Variants in TDP1 observed in about 807,000 individuals in gnomAD.
TDP1 encodes the protein tyr-DNA phosphodiesterase 1.
In TDP1, 64 loss-of-function variants were observed where a neutral mutation model predicts 81.5. That is an observed-to-expected ratio of 0.79 (90% CI 0.64 to 0.97). The LOEUF (loss-of-function observed/expected upper bound fraction) is 0.97, where lower values mean the gene tolerates loss of function less well. TDP1 is among the 50% of genes least tolerant of loss of function. The probability of loss-of-function intolerance (pLI) is 0.00; values close to 1 mark genes in which losing one functional copy is unlikely to be tolerated. For synonymous variants in TDP1, 256 were observed against 264.3 expected (o/e 0.97, Z 0.30); for missense variants, 723 against 743.8 (o/e 0.97, Z 0.33).
At chr14:89,970,167 C>T (rs941391722) in intron 5 of TDP1, among the ~76,000 whole-genome samples, 2 of 152,140 alleles carry the variant, frequency 1.3e-5, no homozygotes, top group Admixed American at 1.3e-4. Flanking sequence ...TGAGCCACCG[C>T]GCCTGGCCGA....
chr14:90,018,887 C>A (rs1885630158), intron 14 of TDP1: 1 of 854,870 alleles, frequency 1.2e-6, no homozygotes, highest in Non-Finnish European at 1.4e-6. Context: ...CACTACCTGG[C>A]AAAAAAACTG....
Position 89,985,130 on chromosome 14 carries a change from A to G in TDP1, c.1053-2A>G. On this transcript the variant is annotated splice_acceptor_variant, in intron 9 of 16. Transcript: ENST00000335725. LOFTEE classifies it high-confidence loss of function. Reference sequence around the variant, plus strand: ...ATAACTTGTGTTTTTATGTCTTTTTAGTGTTTATCTTATTGGTTCAACCCC... The same window carrying G: ...ATAACTTGTGTTTTTATGTCTTTTTGGTGTTTATCTTATTGGTTCAACCCC... 6.2e-7 allele frequency: 1 copy of G among 1,606,396 alleles called. No individual in the cohort carries two copies. The highest frequency in any genetic ancestry group is 8.5e-7 in the Non-Finnish European group (1 of 1,174,604).
intron 10 of TDP1, among the ~76,000 whole-genome samples, chr14:89,987,393 G>T (rs986489644): frequency 6.6e-6 from 1 of 152,150 alleles, no homozygotes; most frequent in African/African-American, 2.4e-5. Context: ...GAAAGTGATG[G>T]TATAAAAAAA....
intron 14 of TDP1, among the ~76,000 whole-genome samples, chr14:89,994,232 T>C (rs1297221503): frequency 6.6e-6 from 1 of 152,210 alleles, no homozygotes; most frequent in Non-Finnish European, 1.5e-5. Flanking sequence ...ACAGCACTCA[T>C]GAACAAACTT....
At chr14:89,994,827 C>T (rs530472986) in intron 14 of TDP1, among the ~76,000 whole-genome samples, 27 of 152,156 alleles carry the variant, frequency 1.8e-4, no homozygotes, top group Admixed American at 1.6e-3. Flanking sequence ...AAAACCCAGA[C>T]GGATTAGAAG....
intron 14 of TDP1, among the ~76,000 whole-genome samples, chr14:90,003,192 T>C (rs1420554416): frequency 1.3e-5 from 2 of 152,208 alleles, no homozygotes; most frequent in East Asian, 3.9e-4. Flanking sequence ...CGCCTTGGCC[T>C]CCCAAAGTGC....
intron 14 of TDP1, among the ~76,000 whole-genome samples, chr14:89,996,379 C>A (rs749326698): frequency 6.6e-6 from 1 of 152,184 alleles, no homozygotes; most frequent in Non-Finnish European, 1.5e-5. Context: ...TGAAGTCATC[C>A]AGCCAACAGC....
At chr14:89,976,628 C>T (rs924431256) in intron 7 of TDP1, among the ~76,000 whole-genome samples, 5 of 149,916 alleles carry the variant, frequency 3.3e-5, no homozygotes, top group Non-Finnish European at 5.9e-5. Flanking sequence ...CCTCCATCTC[C>T]TGGGTTCAAA....
chr14:90,011,958 T>C (rs1183591613), intron 14 of TDP1, among the ~76,000 whole-genome samples: 2 of 152,250 alleles, frequency 1.3e-5, no homozygotes, highest in Non-Finnish European at 2.9e-5. Flanking sequence ...CTGCAGGGCA[T>C]GTCAGAAGTC....
chr14:89,955,868 C>T (rs2277519), upstream of TDP1: 7,972 of 152,534 alleles, frequency 0.052, 345 homozygotes, highest in African/African-American at 0.11. Context: ...AGGGGCCGGG[C>T]CTCGAGGCAC....
intron 14 of TDP1, 29 bp from the exon 15 acceptor site, chr14:90,019,287 C>A: frequency 1.3e-6 from 2 of 1,483,146 alleles, no homozygotes; most frequent in South Asian, 1.1e-5. Flanking sequence ...CTCCCTGAGT[C>A]AGCCCTATCT....
intron 7 of TDP1, among the ~76,000 whole-genome samples, chr14:89,976,731 T>G (rs1402837345): frequency 6.7e-6 from 1 of 148,602 alleles, no homozygotes; most frequent in African/African-American, 2.5e-5. Flanking sequence ...GAGACGGGGT[T>G]TCACCATGTT....
At chr14:89,966,976 G>A (rs1292774950) in intron 4 of TDP1, 1 of 984,970 alleles carries the variant, frequency 1.0e-6, no homozygotes, top group African/African-American at 1.7e-5. Context: ...AAAGTCCTGG[G>A]ATCTTTGTCT....
chr14:89,989,262 A>G (rs1895922774), intron 11 of TDP1, 172 bp downstream of exon 11: 1 of 970,044 alleles, frequency 1.0e-6, no homozygotes, highest in Admixed American at 6.2e-5. Flanking sequence ...CGTCATTTGT[A>G]ATCAAGTTGC....
At chr14:89,989,220 G>A in intron 11 of TDP1, 130 bp downstream of exon 11, 1 of 1,382,180 alleles carries the variant, frequency 7.2e-7, no homozygotes, top group Non-Finnish European at 9.7e-7. Flanking sequence ...GCGTGGCGGG[G>A]GCGGGGTGCG....
chr14:90,019,917 A>G (rs1020408059), intron 15 of TDP1, among the ~76,000 whole-genome samples: 3 of 152,140 alleles, frequency 2.0e-5, no homozygotes, highest in African/African-American at 7.2e-5. Flanking sequence ...ACAAACTGGG[A>G]AGCAGAGATT....
intron 16 of TDP1, chr14:90,042,796 G>A (rs914557641): frequency 7.2e-6 from 6 of 836,762 alleles, no homozygotes; most frequent in Middle Eastern, 5.9e-4. Flanking sequence ...TCCCTCCCAC[G>A]ATATGTGGGA....
intron 7 of TDP1, among the ~76,000 whole-genome samples, chr14:89,976,196 C>T (rs1894294370): frequency 6.6e-6 from 1 of 151,662 alleles, no homozygotes; most frequent in South Asian, 2.1e-4. Context: ...GCCTCCAACT[C>T]CTGGGCTTAA....
rs34950158 is a variant in TDP1, at chr14:89,972,554, A to G, written c.756+1283A>G. On this transcript the variant is annotated intron_variant, in intron 6 of 16. Coordinates refer to ENST00000335725, the MANE Select transcript of TDP1 (RefSeq NM_018319.4). Reference sequence around the variant, plus strand: ...CCTAATACTTTGCAGTTAGCATACAATGTGGCCAGTGAGTCTTGGACTTTC... The same window carrying G: ...CCTAATACTTTGCAGTTAGCATACAGTGTGGCCAGTGAGTCTTGGACTTTC... Among the ~76,000 whole-genome samples, 337 of 152,332 alleles carry G rather than the reference A, an allele frequency of 2.2e-3. 2 individuals carry two copies. Among genetic ancestry groups the G allele is most frequent in the African/African-American group, 7.6e-3 (318 of 41,578 alleles).
Sources: allele counts gnomAD v4.1 joint callset (sites outside exome capture counted in the v4.1 genomes callset), GRCh38; gene constraint gnomAD v4.1.1; transcripts MANE v1.5; gene names NCBI Gene and HGNC (gene_info 2026-07-23, HGNC 2026-07-21).